The following CIDEC variants were observed in gnomAD, a reference collection of about 807,000 sequenced individuals.
The protein encoded by CIDEC is lipid transferase CIDEC.
In CIDEC, 11 loss-of-function variants were observed where a neutral mutation model predicts 21.9. That is an observed-to-expected ratio of 0.50 (90% CI 0.32 to 0.83). CIDEC has a LOEUF of 0.83. Among genes scored for constraint, CIDEC ranks in the 40% least tolerant of loss-of-function variants. CIDEC has a pLI of 0.04. For synonymous variants in CIDEC, 127 were observed against 124.9 expected (o/e 1.02, Z -0.11); for missense variants, 302 against 302.3 (o/e 1.00, Z 0.01).
intron 4 of CIDEC, among the ~76,000 whole-genome samples, chr3:9,873,292 T>C (rs1169058232): frequency 6.6e-6 from 1 of 152,194 alleles, no homozygotes; most frequent in Non-Finnish European, 1.5e-5. Context: ...GTACAGTTTA[T>C]AAGTTGTTAT....
intron 6 of CIDEC, among the ~76,000 whole-genome samples, 167 bp from the exon 7 acceptor site, chr3:9,867,463 T>C (rs1210722880): frequency 1.3e-5 from 2 of 149,914 alleles, no homozygotes; most frequent in Non-Finnish European, 3.0e-5. Context: ...CTACTAAAAA[T>C]ACAAAAACTA....
At chr3:9,878,710 C>A in intron 2 of CIDEC, 199 bp from the exon 3 acceptor site, 3 of 1,520,626 alleles carry the variant, frequency 2.0e-6, no homozygotes, top group South Asian at 1.2e-5. Context: ...AGACCCCACC[C>A]CTCTCCCCAC....
intron 1 of CIDEC, 121 bp downstream of exon 1, chr3:9,880,103 G>C (rs2082484558): frequency 6.6e-6 from 1 of 151,812 alleles, no homozygotes; most frequent in Non-Finnish European, 1.5e-5. Flanking sequence ...GGAGGATTCT[G>C]CTTGCCTCAG....
chr3:9,871,604 G>C lies in CIDEC; in HGVS notation c.208-1282C>G, dbSNP rs150924721. ...TTACATCCTCACTGATGCTTTCATT[G>C]TCTGTATTTTAGCCAAAAATCCTTA... On this transcript the variant is annotated intron_variant, in intron 4 of 6. Transcript: ENST00000336832. 3.0e-4 allele frequency among the ~76,000 whole-genome samples: 45 copies of C among 151,812 alleles called. No homozygotes were observed. In the East Asian group the frequency reaches 8.1e-3, roughly 27 times the overall value.
chr3:9,869,268 T>C (rs761120981), intron 6 of CIDEC, among the ~76,000 whole-genome samples: 1 of 151,646 alleles, frequency 6.6e-6, no homozygotes, highest in Non-Finnish European at 1.5e-5. Context: ...TGTTTTTTTT[T>C]CCGAGACAGT....
intron 4 of CIDEC, among the ~76,000 whole-genome samples, chr3:9,876,041 G>C (rs1243215740): frequency 6.6e-6 from 1 of 152,214 alleles, no homozygotes; most frequent in East Asian, 1.9e-4. Flanking sequence ...AGAAATAGGG[G>C]AGGAAACTTA....
chr3:9,871,820 A>G (rs1426577077), intron 4 of CIDEC, among the ~76,000 whole-genome samples: 1 of 151,328 alleles, frequency 6.6e-6, no homozygotes, highest in Admixed American at 6.6e-5. Flanking sequence ...AGTAGATACA[A>G]GGTTTCTCTA....
At chr3:9,871,398 G>A (rs2082346300) in intron 4 of CIDEC, among the ~76,000 whole-genome samples, 1 of 146,184 alleles carries the variant, frequency 6.8e-6, no homozygotes, top group Admixed American at 6.9e-5. Context: ...TGTTTCCCAG[G>A]CTGGTCTCAA....
intron 4 of CIDEC, among the ~76,000 whole-genome samples, chr3:9,876,176 T>C (rs973702879): frequency 6.6e-6 from 1 of 152,326 alleles, no homozygotes; most frequent in East Asian, 1.9e-4. Context: ...CCCACCCCTA[T>C]AGAGATGATC....
At chr3:9,871,060 A>G (rs779840340) in intron 4 of CIDEC, among the ~76,000 whole-genome samples, 1 of 152,058 alleles carries the variant, frequency 6.6e-6, no homozygotes, top group African/African-American at 2.4e-5. Flanking sequence ...ATTATGAATA[A>G]TGCTGCTATG....
At chr3:9,870,735 G>A (rs1267004508) in intron 4 of CIDEC, among the ~76,000 whole-genome samples, 1 of 152,104 alleles carries the variant, frequency 6.6e-6, no homozygotes, top group Non-Finnish European at 1.5e-5. Context: ...CAACTCTTGG[G>A]CACAAGCAAT....
chr3:9,878,539 A>G (rs1411325118), intron 2 of CIDEC, 28 bp from the exon 3 acceptor site: 2 of 1,588,922 alleles, frequency 1.3e-6, no homozygotes, highest in South Asian at 1.1e-5. Flanking sequence ...ACAATTCATC[A>G]GGGTGAGATG....
chr3:9,869,098 G>A (rs1430793642), intron 6 of CIDEC, among the ~76,000 whole-genome samples: 2 of 152,044 alleles, frequency 1.3e-5, no homozygotes, highest in African/African-American at 4.8e-5. Flanking sequence ...CAAAGTGCTG[G>A]GATCCCAGGT....
intron 6 of CIDEC, among the ~76,000 whole-genome samples, chr3:9,867,569 G>A (rs1361910519): frequency 1.3e-5 from 2 of 152,210 alleles, no homozygotes; most frequent in East Asian, 1.9e-4. Context: ...ACAGTGAGCC[G>A]AGGTGGCACC....
chr3:9,876,036 T>C (rs149472522), intron 4 of CIDEC, among the ~76,000 whole-genome samples: 20 of 152,232 alleles, frequency 1.3e-4, no homozygotes, highest in African/African-American at 4.3e-4. Context: ...TACACAGAAA[T>C]AGGGGAGGAA....
At chr3:9,871,026 C>T (rs7349465) in intron 4 of CIDEC, among the ~76,000 whole-genome samples, 10,990 of 151,554 alleles carry the variant, frequency 0.073, 582 homozygotes, top group Non-Finnish European at 0.1. Flanking sequence ...AGTGGATGAA[C>T]GCTTGGATTG....
chr3:9,867,365 A>G lies in CIDEC; in HGVS notation c.555-69T>C, dbSNP rs557353913. 2.9e-4 allele frequency: 447 copies of G among 1,553,906 alleles called. No individual in the cohort carries two copies. The African/African-American group carries it at 5.3e-3, about 19-fold the overall frequency. Reference sequence around the variant, plus strand: ...GTCGGGCATGGCGTTCACGCCTGTAATCCTAGCACTTTGGGAGGCCATGGA... The same window carrying G: ...GTCGGGCATGGCGTTCACGCCTGTAGTCCTAGCACTTTGGGAGGCCATGGA... On this transcript the variant is annotated intron_variant, in intron 6 of 6. Transcript: ENST00000336832.
chr3:9,878,874 C>A (rs1421289843), intron 2 of CIDEC, 68 bp downstream of exon 2: 28 of 1,485,484 alleles, frequency 1.9e-5, no homozygotes, highest in Non-Finnish European at 2.5e-5. Context: ...TCCATGGGGA[C>A]AGAGTCCACT....
chr3:9,867,390 AG>A, intron 6 of CIDEC, 94 bp from the exon 7 acceptor site: 1 of 1,347,104 alleles, frequency 7.4e-7, no homozygotes, highest in Non-Finnish European at 1.0e-6. Flanking sequence ...GAGGCCATGG[AG>A]GGCGGGTAAC....
Sources: gnomAD v4.1 joint callset for allele counts (sites outside exome capture counted in the v4.1 genomes callset) on GRCh38, gnomAD v4.1.1 for gene constraint, MANE v1.5 for transcripts, NCBI Gene and HGNC (gene_info 2026-07-23, HGNC 2026-07-21) for gene names.